The following MERTK variants were observed in gnomAD, a reference collection of about 807,000 sequenced individuals.
MERTK encodes MER proto-oncogene, tyrosine kinase.
MERTK carries 69 observed loss-of-function variants against 99.3 expected under a neutral mutation model. The observed-to-expected ratio is 0.70, with a 90% confidence interval of 0.57 to 0.85. The LOEUF is 0.85. MERTK is among the 40% of genes least tolerant of loss of function. The pLI, the probability that MERTK is intolerant of heterozygous loss-of-function variation, is 0.00. For synonymous variants in MERTK, 426 were observed against 467.6 expected (o/e 0.91, Z 1.15); for missense variants, 1,125 against 1,249.4 (o/e 0.90, Z 1.50).
At chr2:112,022,511 CA>C in intron 18 of MERTK, 117 bp downstream of exon 18, 5 of 1,496,268 alleles carry the variant, frequency 3.3e-6, no homozygotes, top group Non-Finnish European at 4.6e-6. Flanking sequence ...GCCAGGTGGG[CA>C]TGTGCAGAGG....
At chr2:111,927,636 TC>T (rs760553046) in intron 1 of MERTK, among the ~76,000 whole-genome samples, 1 of 152,172 alleles carries the variant, frequency 6.6e-6, no homozygotes, top group Non-Finnish European at 1.5e-5. Context: ...ACCACTGCTC[TC>T]CAGCCTGGGT....
intron 15 of MERTK, chr2:112,010,327 G>A (rs2104413326): frequency 2.5e-6 from 1 of 406,010 alleles, no homozygotes; most frequent in Admixed American, 3.5e-5. Flanking sequence ...CTTGAGTTGG[G>A]TGGCCCAGGC....
chr2:112,019,329 C>A, intron 15 of MERTK, 84 bp from the exon 16 acceptor site: 1 of 943,290 alleles, frequency 1.1e-6, no homozygotes, highest in Non-Finnish European at 1.7e-6. Context: ...TAAATTAAAG[C>A]ATCCTTTCCC....
intron 15 of MERTK, among the ~76,000 whole-genome samples, chr2:112,019,157 AC>A: frequency 6.6e-6 from 1 of 152,328 alleles, no homozygotes; most frequent in African/African-American, 2.4e-5. Context: ...CTAAAAAGAA[AC>A]AATGTCATTC....
chr2:111,994,367 C>T lies in MERTK; in HGVS notation c.1413C>T (p.Pro471=), dbSNP rs750325660. The change falls in exon 9 of 19, where the codon CCC becomes CCT. Residue 471 remains proline, a synonymous_variant. Coordinates refer to ENST00000295408, the MANE Select transcript of MERTK (RefSeq NM_006343.3). ...IAAVTRGGVG[P]FSDPVKIFIP... is the part of the protein sequence containing the mutation. ...CCGTCACCAGAGGGGGAGTTGGGCC[C>T]TTCAGTGATCCAGTGAAAATATTTA... The T allele has an allele frequency of 1.4e-5, 23 of 1,614,046 alleles. No homozygotes were observed. In the South Asian group the frequency reaches 2.4e-4, roughly 17 times the overall value.
At position 111,996,611 on chromosome 2, in the gene MERTK, CT is replaced by C. The variant is rs1171672379; in HGVS notation, c.1451-711del. 2.6e-5 allele frequency: 4 copies of C among 156,620 alleles called. No individual in the cohort carries two copies. In the East Asian group the frequency reaches 7.6e-4, roughly 30 times the overall value. 9.7% of individuals were successfully genotyped at this position (156,620 alleles called of 1,614,324 possible). A position where few individuals can be genotyped will look rare whatever the true frequency, so the allele number is the denominator to read the frequency against. ...GACTGTGGGAAGTTGATAACTGCCC[CT>C]GCTGATGTGAACCAGCGGTCCTTAG... is the stretch of plus-strand genomic sequence containing the variant. On this transcript the variant is annotated intron_variant, in intron 9 of 18. Coordinates refer to ENST00000295408, the MANE Select transcript of MERTK (RefSeq NM_006343.3).
Position 112,021,664 on chromosome 2 carries a change from A to G in MERTK, c.2349+83A>G. ...AGAAATGACCTCAGCTGGTATGGCA[A>G]GACATTTTACTCTTTGATAAACTGA... On this transcript the variant is annotated intron_variant, in intron 17 of 18. Transcript: ENST00000295408. 8 of 1,315,110 alleles carry G rather than the reference A, an allele frequency of 6.1e-6. No individual in the cohort carries two copies. In the Middle Eastern group the frequency reaches 9.1e-4, roughly 150 times the overall value. 81.5% of individuals were successfully genotyped at this position (1,315,110 alleles called of 1,614,324 possible).
At chr2:111,980,663 C>T (rs1676353126) in intron 7 of MERTK, among the ~76,000 whole-genome samples, 1 of 152,046 alleles carries the variant, frequency 6.6e-6, no homozygotes, top group Non-Finnish European at 1.5e-5. Context: ...CGTGACCCAC[C>T]CGCCTCGGCC....
chr2:112,009,781 C>G (rs1558805954), intron 14 of MERTK, 167 bp from the exon 15 acceptor site: 17 of 665,054 alleles, frequency 2.6e-5, no homozygotes, highest in Non-Finnish European at 4.4e-5. Context: ...GTAGTGGACC[C>G]TGTGTGTGTT....
rs1018460461 is a variant in MERTK, at chr2:112,026,072, C to A, written c.2487-2279C>A. 2.4e-4 allele frequency: 37 copies of A among 154,028 alleles called. 1 individual carries two copies. The highest frequency in any genetic ancestry group is 8.7e-4 in the African/African-American group (36 of 41,492). 9.5% of individuals were successfully genotyped at this position (154,028 alleles called of 1,614,324 possible). ...TTACCAAACTTATTTTTCTTTCCAT[C>A]CATAAAATTTTATAAAGTCTAAATC... On this transcript the variant is annotated intron_variant, in intron 18 of 18. Transcript: ENST00000295408.
intron 1 of MERTK, among the ~76,000 whole-genome samples, chr2:111,928,079 A>G (rs1459019342): frequency 6.6e-6 from 1 of 152,228 alleles, no homozygotes; most frequent in Non-Finnish European, 1.5e-5. Context: ...AGATGAAATA[A>G]AAACATTTCC....
chr2:111,920,870 G>C (rs932404889), intron 1 of MERTK, among the ~76,000 whole-genome samples: 2 of 152,046 alleles, frequency 1.3e-5, no homozygotes, highest in Non-Finnish European at 2.9e-5. Flanking sequence ...TGGCCAGGCT[G>C]GTCTTGAACT....
At chr2:112,001,153 C>T (rs1676860313) in intron 10 of MERTK, 48 bp from the exon 11 acceptor site, 3 of 1,430,028 alleles carry the variant, frequency 2.1e-6, no homozygotes, top group Non-Finnish European at 3.0e-6. Context: ...GTGCCTGCCC[C>T]AGTAGCCCTG....
chr2:111,924,807 C>A (rs1012015520), intron 1 of MERTK, among the ~76,000 whole-genome samples: 1 of 152,096 alleles, frequency 6.6e-6, no homozygotes, highest in Non-Finnish European at 1.5e-5. Context: ...TTCAGTTTCC[C>A]ACCACCTTTG....
chr2:111,914,057 A>C (rs1684300245), intron 1 of MERTK, among the ~76,000 whole-genome samples: 1 of 146,058 alleles, frequency 6.8e-6, no homozygotes, highest in African/African-American at 2.5e-5. Context: ...GATCTTTATT[A>C]AGTTGAGGAT....
Position 111,913,498 on chromosome 2 carries a change from T to C in MERTK, c.61+14702T>C, listed in dbSNP as rs548532485. Among the ~76,000 whole-genome samples, 4 of 152,356 alleles carry C rather than the reference T, an allele frequency of 2.6e-5. 1 individual carries two copies. Among genetic ancestry groups the C allele is most frequent in the South Asian group, 4.1e-4 (2 of 4,826 alleles). ...CTTGCAACCTTGATAAAATAACTTA[T>C]TTGTTCCAAGGAGACTTTTTTATAG... On this transcript the variant is annotated intron_variant, in intron 1 of 18. Transcript: ENST00000295408.
intron 1 of MERTK, among the ~76,000 whole-genome samples, chr2:111,910,272 T>G (rs1307066971): frequency 1.5e-5 from 1 of 68,012 alleles, no homozygotes; most frequent in Admixed American, 1.7e-4. Flanking sequence ...CTCTGTTTTT[T>G]GTTTTTTTTT....
At chr2:112,012,537 ATCT>A (rs1461698182) in intron 15 of MERTK, among the ~76,000 whole-genome samples, 5 of 152,066 alleles carry the variant, frequency 3.3e-5, no homozygotes, top group African/African-American at 1.2e-4. Context: ...CCCTCCATTC[ATCT>A]TCTCTTTGTC....
At chr2:111,951,522 CATAT>C (rs56410508) in intron 4 of MERTK, among the ~76,000 whole-genome samples, 5,874 of 85,790 alleles carry the variant, frequency 0.068, 548 homozygotes, top group Middle Eastern at 0.12. Context: ...ATAATATTCC[CATAT>C]ATATATATAT....
Sources: gnomAD v4.1 joint callset for allele counts (sites outside exome capture counted in the v4.1 genomes callset) on GRCh38, gnomAD v4.1.1 for gene constraint, MANE v1.5 for transcripts, NCBI Gene and HGNC (gene_info 2026-07-23, HGNC 2026-07-21) for gene names.